CEP128: variants seen among roughly 807,000 people sequenced by gnomAD.
CEP128 encodes centrosomal protein 128kDa.
In CEP128, 132 loss-of-function variants were observed where a neutral mutation model predicts 156.7. The observed-to-expected ratio is 0.84, with a 90% confidence interval of 0.73 to 0.97. The LOEUF (loss-of-function observed/expected upper bound fraction) is 0.97, where lower values mean the gene tolerates loss of function less well. CEP128 is among the 50% of genes least tolerant of loss of function. The probability of loss-of-function intolerance (pLI) is 0.00; values close to 1 mark genes in which losing one functional copy is unlikely to be tolerated. For missense variants in CEP128, 1,252 were observed against 1,281.9 expected (o/e 0.98, Z 0.36); for synonymous variants, 469 against 448.9 (o/e 1.04, Z -0.57).
chr14:80,853,760 A>C (rs1887012574), intron 9 of CEP128, among the ~76,000 whole-genome samples: 1 of 152,054 alleles, frequency 6.6e-6, no homozygotes, highest in African/African-American at 2.4e-5. Context: ...TAAAACCTAT[A>C]ATAATTAAGA....
intron 19 of CEP128, among the ~76,000 whole-genome samples, chr14:80,599,718 A>C (rs1892502426): frequency 6.6e-6 from 1 of 152,188 alleles, no homozygotes; most frequent in Admixed American, 6.5e-5. Context: ...TAATACTCAA[A>C]CACCTTAAAT....
intron 19 of CEP128, among the ~76,000 whole-genome samples, chr14:80,687,423 C>T (rs929966879): frequency 1.3e-5 from 2 of 152,052 alleles, no homozygotes; most frequent in African/African-American, 4.8e-5. Context: ...TGAAATCATG[C>T]CCTTTGAAGC....
Position 80,743,230 on chromosome 14 carries a change from C to T in CEP128, c.2651G>A (p.Arg884Lys). Residue 884 changes from arginine to lysine, a missense_variant, in exon 19 of 25, where the codon AGA (arginine) becomes AAA (lysine). Arg to Lys is a conservative substitution (Grantham distance 26). Coordinates refer to ENST00000555265, the MANE Select transcript of CEP128 (RefSeq NM_152446.5). ...TCGCAGATTTTTCTCTCTGTTTTCT[C>T]TCTCTTTCAGTTCCTCACAGAGCCA... The part of the protein sequence containing the change: ...LQWLCEELKE[R>K]ENREKNLRHQ... 1 of 1,613,366 alleles carries T rather than the reference C, an allele frequency of 6.2e-7. No homozygotes were observed. Among genetic ancestry groups the T allele is most frequent in the Non-Finnish European group, 8.5e-7 (1 of 1,179,716 alleles).
intron 20 of CEP128, among the ~76,000 whole-genome samples, chr14:80,571,911 A>C (rs1405020575): frequency 2.0e-5 from 3 of 152,342 alleles, no homozygotes; most frequent in Non-Finnish European, 2.9e-5. Context: ...CCGGCTGAGG[A>C]AGTATGAGTC....
chr14:80,799,103 G>A (rs1311896549), intron 13 of CEP128, among the ~76,000 whole-genome samples: 2 of 152,126 alleles, frequency 1.3e-5, no homozygotes, highest in African/African-American at 4.8e-5. Context: ...GAGTCACTCA[G>A]GCTTGTGTTC....
At chr14:80,668,904 G>C (rs946507508) in intron 19 of CEP128, among the ~76,000 whole-genome samples, 8 of 152,144 alleles carry the variant, frequency 5.3e-5, no homozygotes, top group Admixed American at 4.6e-4. Flanking sequence ...AAGTTCCCCT[G>C]CACAAGCTCT....
chr14:80,699,255 G>T (rs987662049), intron 19 of CEP128, among the ~76,000 whole-genome samples: 1 of 152,128 alleles, frequency 6.6e-6, no homozygotes, highest in Admixed American at 6.5e-5. Context: ...TGCAGAGCAT[G>T]AAGTAGTGGG....
At chr14:80,536,585 G>A (rs542898072) in intron 21 of CEP128, among the ~76,000 whole-genome samples, 5 of 152,268 alleles carry the variant, frequency 3.3e-5, no homozygotes, top group Admixed American at 2.0e-4. Flanking sequence ...GAGTAAACAC[G>A]TTTCTGGGAG....
intron 10 of CEP128, 32 bp from the exon 11 acceptor site, chr14:80,838,310 C>T (rs780423854): frequency 1.3e-6 from 2 of 1,486,300 alleles, no homozygotes; most frequent in Non-Finnish European, 1.9e-6. Context: ...AAGAAAAATG[C>T]CCAATGGAGC....
rs142049097 is a variant in CEP128, at chr14:80,743,236, T to C, written c.2645A>G (p.Lys882Arg). ...TKLQWLCEELKERENREKNLR... is the reference protein window; with the variant it reads ...TKLQWLCEELRERENREKNLR... ...ATTTTTCTCTCTGTTTTCTCTCTCT[T>C]TCAGTTCCTCACAGAGCCACTGAAG... Residue 882 changes from lysine (K) to arginine (R), a missense_variant, in exon 19 of 25, where the codon AAA becomes AGA. Physicochemically the swap from Lys to Arg is conservative, Grantham distance 26 (BLOSUM62 2). Transcript: ENST00000555265. 109 of 1,613,292 alleles carry C rather than the reference T, an allele frequency of 6.8e-5. No individual in the cohort carries two copies. The African/African-American group carries it at 1.3e-3, about 19-fold the overall frequency.
At chr14:80,943,714 C>G (rs1044735658), upstream of CEP128, among the ~76,000 whole-genome samples, 4 of 152,122 alleles carry the variant, frequency 2.6e-5, no homozygotes, top group Non-Finnish European at 4.4e-5. Flanking sequence ...TGAAGTCAGG[C>G]CAGGGGTGCT....
At chr14:80,826,629 TTTA>T (rs1466391093) in intron 13 of CEP128, among the ~76,000 whole-genome samples, 1 of 152,186 alleles carries the variant, frequency 6.6e-6, no homozygotes, top group East Asian at 1.9e-4. Flanking sequence ...TCCTTTCTTT[TTTA>T]TACCATCCTC....
chr14:80,577,260 G>A (rs2140433872), intron 20 of CEP128, among the ~76,000 whole-genome samples: 1 of 151,950 alleles, frequency 6.6e-6, no homozygotes, highest in East Asian at 1.9e-4. Flanking sequence ...ATGACTTTTA[G>A]TATCATTCTT....
intron 9 of CEP128, among the ~76,000 whole-genome samples, chr14:80,856,402 T>C (rs1887159288): frequency 1.3e-5 from 2 of 152,056 alleles, no homozygotes; most frequent in Non-Finnish European, 2.9e-5. Context: ...TCCCAGCAAG[T>C]TGGGAAGCTG....
intron 2 of CEP128, among the ~76,000 whole-genome samples, chr14:80,957,284 C>G (rs1445466938): frequency 3.9e-5 from 6 of 152,060 alleles, no homozygotes; most frequent in Non-Finnish European, 7.4e-5. Flanking sequence ...AGCTATACCC[C>G]CCTTCCCAAC....
intron 14 of CEP128, among the ~76,000 whole-genome samples, chr14:80,481,679 G>A (rs761976868): frequency 1.6e-4 from 25 of 152,198 alleles, no homozygotes; most frequent in Non-Finnish European, 2.8e-4. Flanking sequence ...GAGGTGAATG[G>A]CAGGCTCAAT....
intron 20 of CEP128, among the ~76,000 whole-genome samples, chr14:80,561,859 T>G (rs1890688209): frequency 6.6e-6 from 1 of 150,938 alleles, no homozygotes; most frequent in Non-Finnish European, 1.5e-5. Context: ...TTGACTCAAA[T>G]GGTCAAGACA....
intron 19 of CEP128, among the ~76,000 whole-genome samples, chr14:80,687,215 A>C (rs1328684759): frequency 6.6e-6 from 1 of 152,152 alleles, no homozygotes; most frequent in Non-Finnish European, 1.5e-5. Flanking sequence ...TGAAATCATA[A>C]CAAACACTCT....
chr14:80,832,950 A>C (rs1174086199), intron 12 of CEP128, among the ~76,000 whole-genome samples: 1 of 152,166 alleles, frequency 6.6e-6, no homozygotes, highest in Non-Finnish European at 1.5e-5. Context: ...TTCTGTCATA[A>C]CTACTCAATT....
Sources: allele counts gnomAD v4.1 joint callset (sites outside exome capture counted in the v4.1 genomes callset), GRCh38; gene constraint gnomAD v4.1.1; transcripts MANE v1.5; gene names NCBI Gene and HGNC (gene_info 2026-07-23, HGNC 2026-07-21).